TENM3: variants seen among roughly 807,000 people sequenced by gnomAD.
TENM3 encodes the protein teneurin-3.
Under a neutral mutation model 255.1 loss-of-function variants are expected in TENM3, and 63 were observed. That is an observed-to-expected ratio of 0.25 (90% confidence interval 0.20 to 0.30). The LOEUF is 0.30. Ranked by LOEUF, TENM3 falls within the 10% of genes least tolerant of loss-of-function variation. TENM3 has a pLI of 1.00. For missense variants in TENM3, 2,929 were observed against 3,461.1 expected (o/e 0.85, Z 3.86); for synonymous variants, 1,306 against 1,322.3 (o/e 0.99, Z 0.27).
the TENM3 span, among the ~76,000 whole-genome samples, chr4:181,527,250 A>G: frequency 6.6e-6 from 1 of 152,326 alleles, no homozygotes; most frequent in Admixed American, 6.5e-5. Flanking sequence ...ACTATTTTTA[A>G]TGACTTTTTG....
intron 19 of TENM3, 97 bp downstream of exon 19, chr4:182,743,516 A>G (rs1482936988): frequency 5.8e-6 from 8 of 1,381,334 alleles, no homozygotes; most frequent in Non-Finnish European, 8.0e-6. Context: ...ATAGAAAAAT[A>G]CCATCCTAAG....
chr4:182,778,580 T>A (rs778171662), intron 24 of TENM3, among the ~76,000 whole-genome samples: 1 of 152,082 alleles, frequency 6.6e-6, no homozygotes, highest in Non-Finnish European at 1.5e-5. Flanking sequence ...CCCCATGACA[T>A]CTTGGCTAAG....
the TENM3 span, among the ~76,000 whole-genome samples, chr4:181,591,376 T>G: frequency 6.6e-6 from 1 of 152,200 alleles, no homozygotes; most frequent in East Asian, 1.9e-4. Flanking sequence ...CTCTTAGGAA[T>G]TTACTTCAAA....
At chr4:181,710,637 G>A in the TENM3 span, among the ~76,000 whole-genome samples, 1 of 152,146 alleles carries the variant, frequency 6.6e-6, no homozygotes, top group African/African-American at 2.4e-5. Flanking sequence ...CGGGAGAATC[G>A]CTTGAACCTG....
Position 182,294,559 on chromosome 4 carries a change from T to G in TENM3, c.-75-29387T>G, listed in dbSNP as rs570814429. ...TCTGAAAGTCCTCATGGTCATGTCTTGCTGTGGCCTTCTCTGTGAAGAGAT... is the reference window on the plus strand; with the variant it reads ...TCTGAAAGTCCTCATGGTCATGTCTGGCTGTGGCCTTCTCTGTGAAGAGAT... On this transcript the variant is annotated intron_variant, in intron 1 of 27. Coordinates refer to ENST00000511685, the MANE Select transcript of TENM3 (RefSeq NM_001080477.4). Among the ~76,000 whole-genome samples the G allele has an allele frequency of 3.3e-5, 5 of 152,326 alleles. No individual in the cohort carries two copies. In the East Asian group the frequency reaches 9.6e-4, roughly 29 times the overall value.
At chr4:181,501,273 G>A in the TENM3 span, among the ~76,000 whole-genome samples, 1 of 152,092 alleles carries the variant, frequency 6.6e-6, no homozygotes, top group African/African-American at 2.4e-5. Context: ...TCTGGGAGAT[G>A]TCCCAGCCTT....
the TENM3 span, among the ~76,000 whole-genome samples, chr4:181,582,073 G>T: frequency 8.5e-5 from 13 of 152,306 alleles, no homozygotes; most frequent in African/African-American, 2.4e-4. Flanking sequence ...AATTCTCAAT[G>T]AGCACAAGCT....
At chr4:182,733,219 G>C (rs1009488025) in intron 16 of TENM3, among the ~76,000 whole-genome samples, 21 of 152,214 alleles carry the variant, frequency 1.4e-4, no homozygotes, top group Non-Finnish European at 8.8e-5. Flanking sequence ...CCTGAAAATA[G>C]AAGGGGATTC....
At chr4:182,142,960 G>C (rs1282883022), upstream of TENM3, 4 of 167,336 alleles carry the variant, frequency 2.4e-5, no homozygotes, top group African/African-American at 9.6e-5. Context: ...AGCAGTTTCG[G>C]AAGCTCCGGG....
At chr4:182,136,924 A>G in the TENM3 span, among the ~76,000 whole-genome samples, 200 of 152,286 alleles carry the variant, frequency 1.3e-3, no homozygotes, top group African/African-American at 4.4e-3. Flanking sequence ...TTGTCTTCCC[A>G]CTGTAAGGAT....
chr4:182,337,400 A>G (rs1276507340), intron 2 of TENM3, among the ~76,000 whole-genome samples: 1 of 152,218 alleles, frequency 6.6e-6, no homozygotes, highest in African/African-American at 2.4e-5. Flanking sequence ...TAATAGAAAC[A>G]TCACAGAAAA....
At chr4:181,946,249 A>G in the TENM3 span, among the ~76,000 whole-genome samples, 10 of 152,306 alleles carry the variant, frequency 6.6e-5, no homozygotes, top group African/African-American at 1.7e-4. Flanking sequence ...GCTACTGCTC[A>G]GTTTTTCTCC....
chr4:181,724,031 C>T, the TENM3 span, among the ~76,000 whole-genome samples: 1 of 152,242 alleles, frequency 6.6e-6, no homozygotes, highest in African/African-American at 2.4e-5. Flanking sequence ...GCAGATGTGC[C>T]AGCAGGCCTA....
the TENM3 span, among the ~76,000 whole-genome samples, chr4:182,129,185 A>G: frequency 6.6e-6 from 1 of 152,236 alleles, no homozygotes; most frequent in Non-Finnish European, 1.5e-5. Context: ...TTGCTAATGC[A>G]CATAGTCACA....
chr4:181,763,490 A>G, the TENM3 span, among the ~76,000 whole-genome samples: 1 of 152,214 alleles, frequency 6.6e-6, no homozygotes, highest in Non-Finnish European at 1.5e-5. Flanking sequence ...TTATATTTTT[A>G]TATAATTGAA....
intron 1 of TENM3, among the ~76,000 whole-genome samples, chr4:182,175,773 G>A (rs1752446317): frequency 6.6e-6 from 1 of 152,248 alleles, no homozygotes; most frequent in Non-Finnish European, 1.5e-5. Flanking sequence ...AATTTGAAAA[G>A]TAGCTTGGTT....
intron 3 of TENM3, among the ~76,000 whole-genome samples, chr4:182,372,503 A>G (rs1363850081): frequency 6.6e-6 from 1 of 152,188 alleles, no homozygotes; most frequent in Non-Finnish European, 1.5e-5. Flanking sequence ...TGGAAAATAT[A>G]TTCTTCCAAG....
the TENM3 span, among the ~76,000 whole-genome samples, chr4:182,086,574 T>G: frequency 6.6e-6 from 1 of 152,204 alleles, no homozygotes. Context: ...ATTCATTTTA[T>G]GGGCTTTTTG....
chr4:182,229,655 T>C (rs554006287), intron 1 of TENM3, among the ~76,000 whole-genome samples: 1 of 152,208 alleles, frequency 6.6e-6, no homozygotes, highest in African/African-American at 2.4e-5. Flanking sequence ...CACACATATA[T>C]GTATATATAA....
Sources: gnomAD v4.1 joint callset for allele counts (sites outside exome capture counted in the v4.1 genomes callset) on GRCh38, gnomAD v4.1.1 for gene constraint, MANE v1.5 for transcripts, NCBI Gene and HGNC (gene_info 2026-07-23, HGNC 2026-07-21) for gene names.